The following SEMA3E variants were observed in gnomAD, a reference collection of about 807,000 sequenced individuals.
SEMA3E encodes the protein semaphorin 3E, also known as semaphorin-3E.
SEMA3E carries 49 observed loss-of-function variants against 93.6 expected under a neutral mutation model. The observed-to-expected ratio is 0.52, with a 90% confidence interval of 0.42 to 0.66. The LOEUF (loss-of-function observed/expected upper bound fraction) is 0.66, where lower values mean the gene tolerates loss of function less well. Among genes scored for constraint, SEMA3E ranks in the 30% least tolerant of loss-of-function variants. The pLI is 0.00. For missense variants in SEMA3E, 906 were observed against 964.8 expected (o/e 0.94, Z 0.81); for synonymous variants, 363 against 330.7 (o/e 1.10, Z -1.06).
rs1790884018 is a variant in SEMA3E, at chr7:83,514,259, C to T, written c.116-23985G>A. Among the ~76,000 whole-genome samples, 3 of 152,118 alleles carry T rather than the reference C, an allele frequency of 2.0e-5. No individual in the cohort carries two copies. In the South Asian group the frequency reaches 6.2e-4, roughly 32 times the overall value. On this transcript the variant is annotated intron_variant, in intron 1 of 16. Coordinates refer to ENST00000643230, the MANE Select transcript of SEMA3E (RefSeq NM_012431.3). ...ATAAAAATGGGCAACCAGCAGCCCT[C>T]AGGGCTGCTGTCTGTGGAGTAGCCA...
At chr7:83,575,579 A>C (rs919092115) in intron 1 of SEMA3E, among the ~76,000 whole-genome samples, 1 of 152,122 alleles carries the variant, frequency 6.6e-6, no homozygotes, top group African/African-American at 2.4e-5. Flanking sequence ...CTCACAAAAA[A>C]ACTATTTGTT....
Position 83,648,711 on chromosome 7 carries a change from T to G in SEMA3E, c.-169A>C. The stretch of plus-strand genomic sequence containing the variant: ...CCATTTGTCAGGCTGTATTTGGCTA[T>G]GTAAAACCTTTCTTTCCTCGGGACA... On this transcript the variant is annotated 5_prime_UTR_variant, in exon 1 of 17. Transcript: ENST00000643230. 1.5e-6 allele frequency: 1 copy of G among 680,978 alleles called. No homozygotes were observed. Among genetic ancestry groups the G allele is most frequent in the Middle Eastern group, 3.9e-4 (1 of 2,554 alleles). The allele number at this position is 680,978 out of a possible 1,614,324, so 42.2% of individuals were successfully genotyped here. A position where few individuals can be genotyped will look rare whatever the true frequency, so the allele number is the denominator to read the frequency against.
chr7:83,485,838 T>C (rs559719788), intron 2 of SEMA3E, among the ~76,000 whole-genome samples: 1 of 152,256 alleles, frequency 6.6e-6, no homozygotes, highest in African/African-American at 2.4e-5. Flanking sequence ...GGGAGCTGGG[T>C]TCAGAAGTAT....
chr7:83,403,620 G>A (rs1788272513), intron 9 of SEMA3E, among the ~76,000 whole-genome samples: 1 of 151,850 alleles, frequency 6.6e-6, no homozygotes, highest in Admixed American at 6.6e-5. Flanking sequence ...TCTCTGTATT[G>A]TAAGAATCCA....
chr7:83,506,464 A>G (rs1489380234), intron 1 of SEMA3E, among the ~76,000 whole-genome samples: 3 of 152,074 alleles, frequency 2.0e-5, no homozygotes, highest in Non-Finnish European at 4.4e-5. Context: ...CAGAGGCTGG[A>G]AAAGGGAATC....
At chr7:83,389,527 G>A (rs1787949231) in intron 14 of SEMA3E, among the ~76,000 whole-genome samples, 1 of 151,714 alleles carries the variant, frequency 6.6e-6, no homozygotes, top group Non-Finnish European at 1.5e-5. Flanking sequence ...TCTCCAGCAA[G>A]GTTTCAGTTC....
At chr7:83,442,763 T>C (rs1052961323) in intron 4 of SEMA3E, among the ~76,000 whole-genome samples, 4 of 152,162 alleles carry the variant, frequency 2.6e-5, no homozygotes, top group Admixed American at 6.5e-5. Flanking sequence ...CCCTTCCTGA[T>C]GTTCCTGGCC....
chr7:83,535,761 G>A (rs1791400365), intron 1 of SEMA3E, among the ~76,000 whole-genome samples: 1 of 152,050 alleles, frequency 6.6e-6, no homozygotes, highest in African/African-American at 2.4e-5. Context: ...TAGAAAATTA[G>A]AAAGATCTTC....
In SEMA3E at chr7:83,428,153, T is replaced by A. The variant is rs1030453383; in HGVS notation, c.457-9670A>T. Among the ~76,000 whole-genome samples, 6 of 152,230 alleles carry A rather than the reference T, an allele frequency of 3.9e-5. No homozygotes were observed. In the South Asian group the frequency reaches 8.3e-4, roughly 21 times the overall value. On this transcript the variant is annotated intron_variant, in intron 4 of 16. Coordinates refer to ENST00000643230, the MANE Select transcript of SEMA3E (RefSeq NM_012431.3). ...TGAGGGATGCCCTCAGAACCCAGAA[T>A]GTCTGTGGTAAGCTCTTTTCGACAG...
chr7:83,487,936 G>C (rs913817817), intron 2 of SEMA3E, among the ~76,000 whole-genome samples: 1 of 152,056 alleles, frequency 6.6e-6, no homozygotes, highest in Non-Finnish European at 1.5e-5. Flanking sequence ...CTGGAGTGTA[G>C]ATGCCAAAGA....
At chr7:83,511,151 A>C (rs1052400940) in intron 1 of SEMA3E, among the ~76,000 whole-genome samples, 1 of 152,172 alleles carries the variant, frequency 6.6e-6, no homozygotes, top group African/African-American at 2.4e-5. Flanking sequence ...TAAGACCCTA[A>C]GGTAAGAAAT....
In SEMA3E at chr7:83,366,465, G is replaced by A. The variant is rs1031365971; in HGVS notation, c.*1121C>T. ...TAATATAAAAGAGAGAAGAAAATTT[G>A]ATATTTGAGAGCAAATCACTTTAAT... On this transcript the variant is annotated 3_prime_UTR_variant, in exon 17 of 17. Coordinates refer to ENST00000643230, the MANE Select transcript of SEMA3E (RefSeq NM_012431.3). The A allele has an allele frequency of 4.6e-5, 7 of 152,044 alleles. No individual in the cohort carries two copies. Among genetic ancestry groups the A allele is most frequent in the African/African-American group, 1.7e-4 (7 of 41,544 alleles). The allele number at this position is 152,044 out of a possible 1,614,324, so 9.4% of individuals were successfully genotyped here.
At chr7:83,596,144 G>C (rs1792867989) in intron 1 of SEMA3E, among the ~76,000 whole-genome samples, 1 of 151,574 alleles carries the variant, frequency 6.6e-6, no homozygotes, top group Admixed American at 6.6e-5. Flanking sequence ...ATTATTATTT[G>C]GGTTATGATC....
chr7:83,533,231 T>C (rs1791341230), intron 1 of SEMA3E, among the ~76,000 whole-genome samples: 1 of 152,122 alleles, frequency 6.6e-6, no homozygotes, highest in Non-Finnish European at 1.5e-5. Flanking sequence ...GTTTGAAACA[T>C]ACTTGGAATT....
intron 1 of SEMA3E, among the ~76,000 whole-genome samples, chr7:83,510,269 T>C (rs1267362273): frequency 6.6e-6 from 1 of 152,166 alleles, no homozygotes; most frequent in Non-Finnish European, 1.5e-5. Flanking sequence ...TTATAGATAA[T>C]AAGGCATTGT....
intron 16 of SEMA3E, among the ~76,000 whole-genome samples, chr7:83,376,548 T>C (rs1036924098): frequency 1.3e-5 from 2 of 152,014 alleles, no homozygotes; most frequent in African/African-American, 2.4e-5. Flanking sequence ...TGCTCATTGA[T>C]AAGCTAACCA....
chr7:83,477,250 C>T (rs1305328657), intron 2 of SEMA3E, among the ~76,000 whole-genome samples: 2 of 151,806 alleles, frequency 1.3e-5, no homozygotes, highest in African/African-American at 4.8e-5. Context: ...GTGACTAAGC[C>T]TCTATAATTT....
intron 1 of SEMA3E, among the ~76,000 whole-genome samples, chr7:83,490,612 A>C (rs1396651165): frequency 6.6e-6 from 1 of 152,020 alleles, no homozygotes; most frequent in Non-Finnish European, 1.5e-5. Flanking sequence ...CATTAAACCC[A>C]CCAGAGTGTG....
chr7:83,608,254 G>A (rs974386397), intron 1 of SEMA3E, among the ~76,000 whole-genome samples: 4 of 151,938 alleles, frequency 2.6e-5, no homozygotes, highest in African/African-American at 9.7e-5. Context: ...TCATTCAACA[G>A]AATGAAAAGA....
Sources: gnomAD v4.1 joint callset for allele counts (sites outside exome capture counted in the v4.1 genomes callset) on GRCh38, gnomAD v4.1.1 for gene constraint, MANE v1.5 for transcripts, NCBI Gene and HGNC (gene_info 2026-07-23, HGNC 2026-07-21) for gene names.